SUGCT: variants seen among roughly 807,000 people sequenced by gnomAD.
The protein encoded by SUGCT is succinyl-CoA:glutarate-CoA transferase, also known as succinyl-CoA:glutarate CoA-transferase.
In SUGCT, 41 loss-of-function variants were observed where a neutral mutation model predicts 55.0. The observed-to-expected ratio is 0.74, with a 90% CI of 0.58 to 0.97. The LOEUF (loss-of-function observed/expected upper bound fraction) is 0.97, where lower values mean the gene tolerates loss of function less well. Among genes scored for constraint, SUGCT ranks in the 50% least tolerant of loss-of-function variants. The probability of loss-of-function intolerance (pLI) is 0.00; values close to 1 mark genes in which losing one functional copy is unlikely to be tolerated. For missense variants in SUGCT, 568 were observed against 547.8 expected (o/e 1.04, Z -0.37); for synonymous variants, 187 against 200.4 (o/e 0.93, Z 0.56).
chr7:40,427,806 G>A (rs1583654774), intron 9 of SUGCT, among the ~76,000 whole-genome samples: 1 of 152,128 alleles, frequency 6.6e-6, no homozygotes, highest in East Asian at 1.9e-4. Context: ...AAGATGGGGA[G>A]TGATATGGTT....
chr7:40,613,161 C>T (rs752090920), intron 12 of SUGCT, among the ~76,000 whole-genome samples: 3 of 152,072 alleles, frequency 2.0e-5, no homozygotes, highest in East Asian at 1.9e-4. Flanking sequence ...CCAAATTCAA[C>T]GATACTCTTA....
At chr7:40,849,617 A>G (rs1039501001) in intron 13 of SUGCT, among the ~76,000 whole-genome samples, 2 of 152,184 alleles carry the variant, frequency 1.3e-5, no homozygotes, top group African/African-American at 2.4e-5. Flanking sequence ...TTGAACCTGT[A>G]TATAGCTAGA....
chr7:40,324,248 A>ATATATATATATATATATATATATAT (rs1562681083), intron 9 of SUGCT, among the ~76,000 whole-genome samples: 2 of 111,052 alleles, frequency 1.8e-5, no homozygotes, highest in African/African-American at 7.7e-5. Context: ...TAAATAAATA[A>ATATATATATATATATATATATATAT]ATAAATATAT....
chr7:40,402,247 G>C (rs552964348), intron 9 of SUGCT, among the ~76,000 whole-genome samples: 298 of 151,642 alleles, frequency 2.0e-3, no homozygotes, highest in Non-Finnish European at 3.2e-3. Context: ...CTGTAATTCT[G>C]TCCCCGTCTT....
At chr7:40,206,548 A>G (rs1451240467) in intron 6 of SUGCT, among the ~76,000 whole-genome samples, 1 of 152,224 alleles carries the variant, frequency 6.6e-6, no homozygotes, top group Non-Finnish European at 1.5e-5. Context: ...CAAGTGAAAA[A>G]TATCAAAGTT....
At chr7:40,593,435 A>G (rs1797836331) in intron 12 of SUGCT, among the ~76,000 whole-genome samples, 1 of 152,210 alleles carries the variant, frequency 6.6e-6, no homozygotes, top group Non-Finnish European at 1.5e-5. Context: ...GCAAAGGACA[A>G]TGTACAATTG....
intron 1 of SUGCT, among the ~76,000 whole-genome samples, chr7:40,137,351 C>A (rs1303230774): frequency 6.6e-6 from 1 of 151,914 alleles, no homozygotes; most frequent in African/African-American, 2.4e-5. Flanking sequence ...TCCCAGAACT[C>A]CCCACCTCAA....
chr7:40,925,689 A>G, the SUGCT span, among the ~76,000 whole-genome samples: 1 of 152,114 alleles, frequency 6.6e-6, no homozygotes, highest in Non-Finnish European at 1.5e-5. Flanking sequence ...AGATAAGAAA[A>G]CTGGACCAGC....
At chr7:40,213,185 C>T (rs1371682480) in intron 6 of SUGCT, among the ~76,000 whole-genome samples, 1 of 151,944 alleles carries the variant, frequency 6.6e-6, no homozygotes, top group Non-Finnish European at 1.5e-5. Context: ...CAAATTTGAC[C>T]AACTTTTCCA....
chr7:40,839,563 A>G (rs1366391686), intron 13 of SUGCT, among the ~76,000 whole-genome samples: 1 of 152,190 alleles, frequency 6.6e-6, no homozygotes, highest in Admixed American at 6.5e-5. Context: ...GAAAATTTTA[A>G]ATTATGAATT....
At position 40,830,334 on chromosome 7, in the gene SUGCT, T is replaced by C. The variant is rs191595843; in HGVS notation, c.1154-29982T>C. ...TCCTTCCAGCGGTTTGCAGAGCACA[T>C]ATCAACAGACCATTGGTCCTGCCCT... On this transcript the variant is annotated intron_variant, in intron 13 of 13. Transcript: ENST00000335693. Among the ~76,000 whole-genome samples, 1,071 of 152,264 alleles carry C rather than the reference T, an allele frequency of 7.0e-3. 43 individuals carry two copies. The highest frequency in any genetic ancestry group is 0.059 in the Admixed American group (904 of 15,300).
At chr7:40,228,577 G>A (rs965921394) in intron 6 of SUGCT, among the ~76,000 whole-genome samples, 11 of 152,098 alleles carry the variant, frequency 7.2e-5, no homozygotes, top group African/African-American at 2.4e-4. Flanking sequence ...CCACTAAGAG[G>A]CATATAATGG....
At chr7:40,300,895 TCA>T (rs1364703889) in intron 8 of SUGCT, among the ~76,000 whole-genome samples, 2 of 152,216 alleles carry the variant, frequency 1.3e-5, no homozygotes, top group Non-Finnish European at 2.9e-5. Flanking sequence ...TGGGATATTC[TCA>T]GTGTTCCTGT....
At chr7:40,365,111 T>C (rs112775493) in intron 9 of SUGCT, among the ~76,000 whole-genome samples, 2,245 of 152,148 alleles carry the variant, frequency 0.015, 50 homozygotes, top group South Asian at 0.059. Context: ...GTTCAGTATA[T>C]GCAAATTAAT....
At chr7:40,221,490 T>G (rs1394149651) in intron 6 of SUGCT, among the ~76,000 whole-genome samples, 1 of 149,644 alleles carries the variant, frequency 6.7e-6, no homozygotes, top group Non-Finnish European at 1.5e-5. Context: ...AAGCTGTTAT[T>G]GGTCTTTTTT....
chr7:40,480,944 T>G (rs1043497880), intron 11 of SUGCT, among the ~76,000 whole-genome samples: 3 of 152,112 alleles, frequency 2.0e-5, no homozygotes, highest in Non-Finnish European at 4.4e-5. Context: ...GAACAGAATA[T>G]GCAATGAGCA....
the SUGCT span, among the ~76,000 whole-genome samples, chr7:41,019,258 T>C: frequency 6.6e-6 from 1 of 152,200 alleles, no homozygotes; most frequent in Non-Finnish European, 1.5e-5. Context: ...TCCAGGTGTA[T>C]ATTAATAATT....
At chr7:40,992,107 G>T in the SUGCT span, among the ~76,000 whole-genome samples, 1 of 152,120 alleles carries the variant, frequency 6.6e-6, no homozygotes, top group Admixed American at 6.5e-5. Flanking sequence ...CTACTGGTTG[G>T]CTATGTTATG....
chr7:40,337,752 A>G (rs1476528033), intron 9 of SUGCT, among the ~76,000 whole-genome samples: 2 of 152,056 alleles, frequency 1.3e-5, no homozygotes, highest in Non-Finnish European at 2.9e-5. Context: ...ATTTACATTT[A>G]AGGTTACTAT....
Sources: gnomAD v4.1 joint callset for allele counts (sites outside exome capture counted in the v4.1 genomes callset) on GRCh38, gnomAD v4.1.1 for gene constraint, MANE v1.5 for transcripts, NCBI Gene and HGNC (gene_info 2026-07-23, HGNC 2026-07-21) for gene names.